The following ATG10 variants were observed in gnomAD, a reference collection of about 807,000 sequenced individuals.
The protein encoded by ATG10 is ubiquitin-like-conjugating enzyme ATG10.
In ATG10, 30 loss-of-function variants were observed where a neutral mutation model predicts 32.1. That is an observed-to-expected ratio of 0.94 (90% CI 0.70 to 1.27). The LOEUF is 1.27. ATG10 is among the 50% of genes most tolerant of loss of function. The pLI is 0.00. For missense variants in ATG10, 233 were observed against 262.3 expected (o/e 0.89, Z 0.77); for synonymous variants, 87 against 91.5 (o/e 0.95, Z 0.28).
intron 1 of ATG10, among the ~76,000 whole-genome samples, chr5:81,984,237 C>T (rs1334444744): frequency 6.6e-6 from 1 of 152,238 alleles, no homozygotes; most frequent in Non-Finnish European, 1.5e-5. Flanking sequence ...CCAGCCCGGC[C>T]AACACAGCGA....
intron 3 of ATG10, among the ~76,000 whole-genome samples, chr5:82,087,320 A>G (rs1764726568): frequency 6.6e-6 from 1 of 152,154 alleles, no homozygotes; most frequent in Non-Finnish European, 1.5e-5. Flanking sequence ...TATATTGAGT[A>G]GAAGTACTCA....
At chr5:82,217,307 G>A (rs1173015717) in intron 5 of ATG10, among the ~76,000 whole-genome samples, 1 of 152,048 alleles carries the variant, frequency 6.6e-6, no homozygotes, top group Non-Finnish European at 1.5e-5. Flanking sequence ...AAATAATGGT[G>A]GTGATGGTGA....
intron 3 of ATG10, among the ~76,000 whole-genome samples, chr5:82,094,582 C>A (rs968005889): frequency 6.6e-6 from 1 of 151,652 alleles, no homozygotes; most frequent in African/African-American, 2.4e-5. Context: ...TAAGCAAATA[C>A]GCTCATAAGT....
At chr5:82,074,101 T>G (rs367890081) in intron 3 of ATG10, among the ~76,000 whole-genome samples, 18 of 152,220 alleles carry the variant, frequency 1.2e-4, no homozygotes, top group African/African-American at 4.3e-4. Context: ...GTGCCTATTA[T>G]AAATCACAAT....
At chr5:82,158,735 TA>T (rs1767908769) in intron 3 of ATG10, among the ~76,000 whole-genome samples, 1 of 151,964 alleles carries the variant, frequency 6.6e-6, no homozygotes, top group Non-Finnish European at 1.5e-5. Flanking sequence ...AGAAAAATAA[TA>T]AAAATATTAA....
intron 5 of ATG10, among the ~76,000 whole-genome samples, chr5:82,216,671 G>C (rs1329692759): frequency 6.6e-6 from 1 of 152,182 alleles, no homozygotes; most frequent in Non-Finnish European, 1.5e-5. Context: ...TCTTACACTA[G>C]CAATAGATTA....
chr5:81,983,501 G>A (rs1761135616), intron 1 of ATG10, among the ~76,000 whole-genome samples: 1 of 144,346 alleles, frequency 6.9e-6, no homozygotes, highest in Non-Finnish European at 1.5e-5. Context: ...GCAGCTGGCC[G>A]GGCGGGGGGC....
chr5:82,033,129 G>A (rs1762789639), intron 2 of ATG10, among the ~76,000 whole-genome samples: 1 of 152,016 alleles, frequency 6.6e-6, no homozygotes, highest in South Asian at 2.1e-4. Context: ...CTCTTGTTCA[G>A]ATGCACCATA....
At chr5:82,104,848 G>A (rs1328691863) in intron 3 of ATG10, among the ~76,000 whole-genome samples, 1 of 151,976 alleles carries the variant, frequency 6.6e-6, no homozygotes, top group East Asian at 1.9e-4. Context: ...ATTTTCCAGG[G>A]GAAAAACATC....
At chr5:82,109,227 G>C (rs1207745855) in intron 3 of ATG10, among the ~76,000 whole-genome samples, 3 of 152,068 alleles carry the variant, frequency 2.0e-5, no homozygotes, top group Non-Finnish European at 2.9e-5. Context: ...TGTGTGCAAG[G>C]CCTTTGCCCA....
In ATG10 at chr5:82,098,776, A is replaced by G. The variant is rs531650650; in HGVS notation, c.216+40174A>G. Among the ~76,000 whole-genome samples, 3 of 152,332 alleles carry G rather than the reference A, an allele frequency of 2.0e-5. No individual in the cohort carries two copies. The East Asian group carries it at 5.8e-4, about 29-fold the overall frequency. ...AGAAACAGTCATAGCTGCTGGAACA[A>G]TGTGAGTTCACAAGTGCTGCTGAAT... is the stretch of plus-strand genomic sequence containing the variant. On this transcript the variant is annotated intron_variant, in intron 3 of 7. Coordinates refer to ENST00000282185, the MANE Select transcript of ATG10 (RefSeq NM_031482.5).
chr5:82,192,049 T>G (rs1392238777), intron 5 of ATG10, among the ~76,000 whole-genome samples: 2 of 152,244 alleles, frequency 1.3e-5, no homozygotes, highest in Non-Finnish European at 2.9e-5. Flanking sequence ...CAGAAGCATG[T>G]GGAAACTGCT....
chr5:82,126,988 A>T (rs2149835872), intron 3 of ATG10, among the ~76,000 whole-genome samples: 1 of 151,750 alleles, frequency 6.6e-6, no homozygotes, highest in Non-Finnish European at 1.5e-5. Flanking sequence ...AGGAATTTGA[A>T]TTTTTCCTGG....
At chr5:82,234,396 G>A (rs1746480941) in intron 5 of ATG10, among the ~76,000 whole-genome samples, 1 of 152,122 alleles carries the variant, frequency 6.6e-6, no homozygotes, top group East Asian at 1.9e-4. Context: ...AGGGCTTAGG[G>A]TACCTGGTGT....
intron 3 of ATG10, among the ~76,000 whole-genome samples, chr5:82,089,511 A>T (rs768486697): frequency 1.4e-4 from 21 of 152,240 alleles, no homozygotes; most frequent in Non-Finnish European, 2.4e-4. Flanking sequence ...AATGGTGCTG[A>T]GCAATTGGAC....
chr5:82,125,705 T>C (rs1047058143), intron 3 of ATG10, among the ~76,000 whole-genome samples: 1 of 152,170 alleles, frequency 6.6e-6, no homozygotes, highest in Middle Eastern at 3.4e-3. Flanking sequence ...AGTCAGGTAG[T>C]GTGATGCCTC....
At position 81,993,360 on chromosome 5, in the gene ATG10, C is replaced by CTTTCTTTCTTTCTTTCCTTCTTTCTT; in HGVS notation, c.108+5684_108+5685insTCTTTCTTTCTTTCCTTCTTTCTTTT. 1.3e-3 allele frequency among the ~76,000 whole-genome samples: 63 copies of CTTTCTTTCTTTCTTTCCTTCTTTCTT among 46,796 alleles called. 2 individuals carry two copies. Among genetic ancestry groups the CTTTCTTTCTTTCTTTCCTTCTTTCTT allele is most frequent in the Admixed American group, 2.9e-3 (11 of 3,762 alleles). 30.7% of individuals were successfully genotyped at this position (46,796 alleles called of 152,430 possible). On this transcript the variant is annotated intron_variant, in intron 2 of 7. Coordinates refer to ENST00000282185, the MANE Select transcript of ATG10 (RefSeq NM_031482.5). ...CCTTCTTTCTTTCTTTCTTTCTTTC[C>CTTTCTTTCTTTCTTTCCTTCTTTCTT]TTCTTTTCTTTTCTTTTCTTTTCTT...
rs1217381120 is a variant in ATG10, at chr5:82,012,895, C to T, written c.108+25217C>T. Among the ~76,000 whole-genome samples, 5 of 151,920 alleles carry T rather than the reference C, an allele frequency of 3.3e-5. 1 individual carries two copies. Among genetic ancestry groups the T allele is most frequent in the Admixed American group, 3.3e-4 (5 of 15,262 alleles). On this transcript the variant is annotated intron_variant, in intron 2 of 7. Transcript: ENST00000282185. ...CTGGTCTTGAACTCCTGACCTCAAG[C>T]GATCCGCCTTCCGTGGCTTCCCATA...
chr5:82,007,415 A>G (rs1405569525), intron 2 of ATG10, among the ~76,000 whole-genome samples: 1 of 152,238 alleles, frequency 6.6e-6, no homozygotes. Flanking sequence ...GAATATTTCT[A>G]TCAGAATATA....
Sources: allele counts gnomAD v4.1 joint callset (sites outside exome capture counted in the v4.1 genomes callset), GRCh38; gene constraint gnomAD v4.1.1; transcripts MANE v1.5; gene names NCBI Gene and HGNC (gene_info 2026-07-23, HGNC 2026-07-21).